Variants in IQSEC1 observed in about 807,000 individuals in gnomAD.
The protein encoded by IQSEC1 is IQ motif and SEC7 domain-containing protein 1.
A neutral mutation model predicts 91.0 loss-of-function variants in IQSEC1; 31 were observed. That is an observed-to-expected ratio of 0.34 (90% confidence interval 0.26 to 0.46). The LOEUF (loss-of-function observed/expected upper bound fraction) is 0.46, where lower values mean the gene tolerates loss of function less well. Ranked by LOEUF, IQSEC1 falls within the 20% of genes least tolerant of loss-of-function variation. The probability of loss-of-function intolerance (pLI) is 1.00; values close to 1 mark genes in which losing one functional copy is unlikely to be tolerated. For missense variants in IQSEC1, 1,388 were observed against 1,575.6 expected (o/e 0.88, Z 2.02); for synonymous variants, 699 against 662.6 (o/e 1.05, Z -0.84).
chr3:13,228,131 T>C (rs1219357119), intron 1 of IQSEC1, among the ~76,000 whole-genome samples: 1 of 152,186 alleles, frequency 6.6e-6, no homozygotes, highest in East Asian at 1.9e-4. Context: ...CACTGAAAAG[T>C]CCATCTTTTC....
chr3:12,951,559 C>CA (rs2125420863), intron 1 of IQSEC1, among the ~76,000 whole-genome samples: 1 of 152,338 alleles, frequency 6.6e-6, no homozygotes, highest in East Asian at 1.9e-4. Flanking sequence ...CAGCCATACC[C>CA]ACTTCTCTAG....
intron 2 of IQSEC1, among the ~76,000 whole-genome samples, chr3:12,938,519 C>A (rs1306688513): frequency 6.6e-6 from 1 of 152,204 alleles, no homozygotes; most frequent in Non-Finnish European, 1.5e-5. Flanking sequence ...TCCCAGGCCA[C>A]AGTCTGTTTT....
intron 2 of IQSEC1, among the ~76,000 whole-genome samples, chr3:13,114,552 G>A (rs979630579): frequency 6.6e-6 from 1 of 152,198 alleles, no homozygotes; most frequent in African/African-American, 2.4e-5. Context: ...AACAATTTGG[G>A]AGGCAGAGGC....
chr3:13,246,201 G>C (rs535109645), intron 1 of IQSEC1, among the ~76,000 whole-genome samples: 1 of 152,232 alleles, frequency 6.6e-6, no homozygotes. Flanking sequence ...GTTCTGGGCC[G>C]CACTGCCACA....
chr3:13,101,498 C>T (rs1706063037), intron 2 of IQSEC1, among the ~76,000 whole-genome samples: 1 of 151,458 alleles, frequency 6.6e-6, no homozygotes, highest in African/African-American at 2.4e-5. Flanking sequence ...CTGGGAAGGC[C>T]CCGGGAAGAT....
chr3:13,017,304 C>T (rs1231833400), intron 1 of IQSEC1, among the ~76,000 whole-genome samples: 1 of 152,208 alleles, frequency 6.6e-6, no homozygotes, highest in Non-Finnish European at 1.5e-5. Context: ...CTATCTGCTC[C>T]AGGAGGCCTG....
chr3:13,046,033 A>G (rs361005), intron 1 of IQSEC1, among the ~76,000 whole-genome samples: 111,475 of 152,264 alleles, frequency 0.73, 41,355 homozygotes, highest in South Asian at 0.87. Context: ...GTGTGAGATT[A>G]TGCAATGGGC....
intron 1 of IQSEC1, among the ~76,000 whole-genome samples, chr3:13,209,797 C>T (rs1694410886): frequency 6.6e-6 from 1 of 152,214 alleles, no homozygotes; most frequent in Non-Finnish European, 1.5e-5. Flanking sequence ...GTTCTGGATG[C>T]TGCTGTGCGT....
Position 12,897,690 on chromosome 3 carries a change from G to GT in IQSEC1, c.*3292dup, listed in dbSNP as rs1403983195. 1 of 152,242 alleles carries GT rather than the reference G, an allele frequency of 6.6e-6. No individual in the cohort carries two copies. The highest frequency in any genetic ancestry group is 6.5e-5 in the Admixed American group (1 of 15,276). 9.4% of individuals were successfully genotyped at this position (152,242 alleles called of 1,614,324 possible). On this transcript the variant is annotated 3_prime_UTR_variant, in exon 14 of 14. Coordinates refer to ENST00000613206, the MANE Select transcript of IQSEC1 (RefSeq NM_001134382.3). ...GTGATGATATTTTACAAGGAGAACT[G>GT]TAAGACTGTGCGTGCTTACCTGCGG...
At chr3:13,155,812 AT>A (rs1707077314) in intron 2 of IQSEC1, among the ~76,000 whole-genome samples, 1 of 152,232 alleles carries the variant, frequency 6.6e-6, no homozygotes, top group Non-Finnish European at 1.5e-5. Context: ...ATGGCTCAAC[AT>A]CCAAAAACTG....
At chr3:13,107,519 A>G (rs372052274) in intron 2 of IQSEC1, among the ~76,000 whole-genome samples, 7 of 152,354 alleles carry the variant, frequency 4.6e-5, no homozygotes, top group Admixed American at 2.0e-4. Flanking sequence ...TCACTTGCCC[A>G]AGGCCACAGA....
chr3:13,190,414 TA>T (rs58096625), intron 1 of IQSEC1, among the ~76,000 whole-genome samples: 35,782 of 151,334 alleles, frequency 0.24, 5,213 homozygotes, highest in African/African-American at 0.41. Flanking sequence ...CAAAATAAAA[TA>T]AAAAAAATTA....
At chr3:13,118,727 T>C (rs1706375273) in intron 2 of IQSEC1, among the ~76,000 whole-genome samples, 1 of 152,072 alleles carries the variant, frequency 6.6e-6, no homozygotes, top group Non-Finnish European at 1.5e-5. Flanking sequence ...TGGAGATGGA[T>C]GGTGGTGTTG....
Position 12,992,010 on chromosome 3 carries a change from C to A in IQSEC1, c.24-50145G>T, listed in dbSNP as rs150651738. Among the ~76,000 whole-genome samples, 3 of 152,276 alleles carry A rather than the reference C, an allele frequency of 2.0e-5. No individual in the cohort carries two copies. Among genetic ancestry groups the A allele is most frequent in the South Asian group, 4.1e-4 (2 of 4,828 alleles). ...GATTACCTAATGTTTGCAAACCGTG[C>A]AGGAGACAGTCCCCTGCAGAGGTGA... On this transcript the variant is annotated intron_variant, in intron 1 of 13. Transcript: ENST00000613206. This position sits in a 1 kb window ranked among gnomAD's most constrained non-coding sequence, Gnocchi z 4.1.
chr3:12,950,164 TG>T (rs1420017899), intron 1 of IQSEC1, among the ~76,000 whole-genome samples: 1 of 152,130 alleles, frequency 6.6e-6, no homozygotes, highest in Non-Finnish European at 1.5e-5. Flanking sequence ...TATGAGAAAA[TG>T]GAGGCTCAAG....
At chr3:13,135,977 C>G (rs1706702969) in intron 2 of IQSEC1, among the ~76,000 whole-genome samples, 1 of 152,246 alleles carries the variant, frequency 6.6e-6, no homozygotes, top group African/African-American at 2.4e-5. Flanking sequence ...GTGCGGGACT[C>G]TGCTGCGTGG....
intron 1 of IQSEC1, among the ~76,000 whole-genome samples, chr3:13,250,421 T>TTTC (rs1347322992): frequency 2.3e-5 from 3 of 132,044 alleles, no homozygotes; most frequent in African/African-American, 8.8e-5. Flanking sequence ...CCCACTTTCC[T>TTTC]TTTTTTTTTT....
chr3:12,954,030 CAGAA>C (rs1169071947), intron 1 of IQSEC1, among the ~76,000 whole-genome samples: 1 of 152,182 alleles, frequency 6.6e-6, no homozygotes, highest in African/African-American at 2.4e-5. Context: ...GGGTGGGGGA[CAGAA>C]AGAAAGGTCT....
intron 2 of IQSEC1, among the ~76,000 whole-genome samples, chr3:13,136,200 C>G (rs1706707578): frequency 6.6e-6 from 1 of 152,228 alleles, no homozygotes; most frequent in Non-Finnish European, 1.5e-5. Flanking sequence ...GAGGATTTCA[C>G]AAAGGCTTCT....
Sources: allele counts gnomAD v4.1 joint callset (sites outside exome capture counted in the v4.1 genomes callset), GRCh38; gene constraint gnomAD v4.1.1; non-coding constraint Gnocchi (gnomAD v3.1); transcripts MANE v1.5; gene names NCBI Gene and HGNC (gene_info 2026-07-23, HGNC 2026-07-21).